ANKDD1A: variants seen among roughly 807,000 people sequenced by gnomAD.
ANKDD1A encodes ankyrin repeat and death domain-containing protein 1A.
A neutral mutation model predicts 63.5 loss-of-function variants in ANKDD1A; 59 were observed. The observed-to-expected ratio is 0.93, with a 90% CI of 0.75 to 1.15. The LOEUF (loss-of-function observed/expected upper bound fraction) is 1.15, where lower values mean the gene tolerates loss of function less well. ANKDD1A is among the 50% of genes most tolerant of loss of function. The probability of loss-of-function intolerance (pLI) is 0.00; values close to 1 mark genes in which losing one functional copy is unlikely to be tolerated. For synonymous variants in ANKDD1A, 266 were observed against 263.9 expected (o/e 1.01, Z -0.08); for missense variants, 632 against 656.4 (o/e 0.96, Z 0.41).
rs562296065 is a variant in ANKDD1A at position 64,940,154 on chromosome 15, A to C, written c.868-2313A>C. ...CTCAAAACTCAACAGTAAAAAAAAAAAAATGGGCAAAAGACATGAATAGAC... is the reference window on the plus strand; with the variant it reads ...CTCAAAACTCAACAGTAAAAAAAAACAAATGGGCAAAAGACATGAATAGAC... On this transcript the variant is annotated intron_variant, in intron 9 of 14. Coordinates refer to ENST00000319580, the MANE Select transcript of ANKDD1A (RefSeq NM_182703.6). Among the ~76,000 whole-genome samples the C allele has an allele frequency of 1.2e-3, 188 of 151,910 alleles. 1 individual carries two copies. Among genetic ancestry groups the C allele is most frequent in the African/African-American group, 4.2e-3 (176 of 41,464 alleles).
At chr15:64,956,461 G>A (rs993412688) in intron 14 of ANKDD1A, among the ~76,000 whole-genome samples, 3 of 152,120 alleles carry the variant, frequency 2.0e-5, no homozygotes, top group African/African-American at 7.2e-5. Flanking sequence ...GCTGAGGTAG[G>A]AGAATGGCAT....
chr15:64,954,400 C>T (rs1402519604), intron 14 of ANKDD1A, among the ~76,000 whole-genome samples: 1 of 144,672 alleles, frequency 6.9e-6, no homozygotes, highest in African/African-American at 2.6e-5. Context: ...CTTTCTTCTT[C>T]CTTCCTCTTC....
At chr15:64,943,665 T>TC (rs35136467) in intron 11 of ANKDD1A, 83 bp downstream of exon 11, 680,543 of 1,147,674 alleles carry the variant, frequency 0.59, 210,055 homozygotes, top group East Asian at 0.87. Context: ...GCCCCCTCCC[T>TC]CCTCCTTCTC....
chr15:64,921,645 G>T (rs1383023060), intron 3 of ANKDD1A, among the ~76,000 whole-genome samples: 1 of 152,154 alleles, frequency 6.6e-6, no homozygotes, highest in South Asian at 2.1e-4. Flanking sequence ...AAAGTGCTGG[G>T]ATTACAGGCG....
chr15:64,953,972 TTCTTCCTCTA>T (rs2085368534), intron 14 of ANKDD1A, among the ~76,000 whole-genome samples: 1 of 22,078 alleles, frequency 4.5e-5, no homozygotes, highest in Admixed American at 9.4e-4. Flanking sequence ...TTTTTCTTCT[TTCTTCCTCTA>T]TCTTCTTCCT....
chr15:64,948,438 G>C (rs1026707650), intron 13 of ANKDD1A, among the ~76,000 whole-genome samples: 2 of 152,052 alleles, frequency 1.3e-5, no homozygotes, highest in African/African-American at 4.8e-5. Context: ...GAATAAACAG[G>C]GATATAAAAG....
chr15:64,943,201 G>C (rs1477583361), intron 10 of ANKDD1A: 1 of 360,678 alleles, frequency 2.8e-6, no homozygotes, highest in East Asian at 4.9e-5. Flanking sequence ...GAAGTGGTTA[G>C]GTAAATTATG....
chr15:64,940,497 A>G (rs2085173991), intron 9 of ANKDD1A, among the ~76,000 whole-genome samples: 1 of 152,040 alleles, frequency 6.6e-6, no homozygotes, highest in Non-Finnish European at 1.5e-5. Context: ...CAGTGGCGTG[A>G]TCTTGGCTCA....
At chr15:64,954,170 CTT>C (rs2140392644) in intron 14 of ANKDD1A, among the ~76,000 whole-genome samples, 1 of 116,278 alleles carries the variant, frequency 8.6e-6, no homozygotes, top group South Asian at 2.7e-4. Context: ...TTTCTTCTTT[CTT>C]TTCTTCTTCT....
chr15:64,953,909 TTCTTTC>T (rs1182115599), intron 14 of ANKDD1A, among the ~76,000 whole-genome samples: 17 of 2,824 alleles, frequency 6.0e-3, no homozygotes, highest in Admixed American at 0.053. Flanking sequence ...TTCTTCCCTC[TTCTTTC>T]TTCTCTTTTT....
intron 14 of ANKDD1A, among the ~76,000 whole-genome samples, chr15:64,954,400 CCTTCCTCTT>C (rs1369517385): frequency 6.9e-6 from 1 of 144,672 alleles, no homozygotes; most frequent in African/African-American, 2.6e-5. Flanking sequence ...CTTTCTTCTT[CCTTCCTCTT>C]CTTCCTCCTC....
chr15:64,940,397 T>TAGAA (rs2085171654), intron 9 of ANKDD1A, among the ~76,000 whole-genome samples: 1 of 108,582 alleles, frequency 9.2e-6, no homozygotes, highest in Non-Finnish European at 2.1e-5. Flanking sequence ...GGATGATTGA[T>TAGAA]AGATAGATAG....
chr15:64,953,658 T>TCC lies in ANKDD1A; in HGVS notation c.1484-3445_1484-3444insCC, dbSNP rs1566917758. On this transcript the variant is annotated intron_variant, in intron 14 of 14. Transcript: ENST00000319580. ...TCTTCTTCCTCTTCCTTCTCCTTCT[T>TCC]TTCTTTCTTCTCCTTCTTTTCTTCT... is the stretch of plus-strand genomic sequence containing the variant. 1.1e-4 allele frequency among the ~76,000 whole-genome samples: 15 copies of TCC among 130,894 alleles called. 3 individuals carry two copies. Among genetic ancestry groups the TCC allele is most frequent in the African/African-American group, 2.7e-4 (9 of 33,416 alleles). The allele number at this position is 130,894 out of a possible 152,430, so 85.9% of individuals were successfully genotyped here.
intron 14 of ANKDD1A, among the ~76,000 whole-genome samples, chr15:64,954,021 C>CTT (rs1484614043): frequency 7.6e-5 from 9 of 118,924 alleles, no homozygotes; most frequent in Admixed American, 4.6e-4. Context: ...CTTCTTTCCT[C>CTT]TTCTTTTCTT....
At chr15:64,953,492 T>TTCCTCCTC (rs1566917548) in intron 14 of ANKDD1A, among the ~76,000 whole-genome samples, 6 of 131,878 alleles carry the variant, frequency 4.5e-5, no homozygotes, top group Non-Finnish European at 9.9e-5. Context: ...CTCCTTCTTC[T>TTCCTCCTC]TTAGTTCTTC....
intron 14 of ANKDD1A, among the ~76,000 whole-genome samples, chr15:64,953,530 T>C (rs1476120102): frequency 5.1e-4 from 30 of 58,712 alleles, no homozygotes; most frequent in African/African-American, 4.5e-4. Context: ...TCTTCCTTCT[T>C]CTCCTCTCCT....
chr15:64,948,800 T>G (rs12101530), intron 13 of ANKDD1A, among the ~76,000 whole-genome samples: 7,042 of 151,830 alleles, frequency 0.046, 571 homozygotes, highest in African/African-American at 0.16. Flanking sequence ...CACTCCAGCC[T>G]GGGGGACAGA....
chr15:64,954,225 TTCCTCTCCTTCG>T (rs2085377841), intron 14 of ANKDD1A, among the ~76,000 whole-genome samples: 2 of 146,140 alleles, frequency 1.4e-5, no homozygotes, highest in African/African-American at 5.0e-5. Context: ...CTTCTTCTTC[TTCCTCTCCTTCG>T]TCTTCTTAGT....
intron 3 of ANKDD1A, among the ~76,000 whole-genome samples, chr15:64,918,825 A>G (rs539416135): frequency 6.6e-6 from 1 of 152,108 alleles, no homozygotes; most frequent in East Asian, 1.9e-4. Context: ...GTGGTGGCAC[A>G]CACCTGTGAT....
Sources: allele counts gnomAD v4.1 joint callset (sites outside exome capture counted in the v4.1 genomes callset), GRCh38; gene constraint gnomAD v4.1.1; transcripts MANE v1.5; gene names NCBI Gene and HGNC (gene_info 2026-07-23, HGNC 2026-07-21).